The following PRKD1 variants were observed in gnomAD, a reference collection of about 807,000 sequenced individuals.
PRKD1 encodes protein kinase D1, also known as serine/threonine-protein kinase D1.
Under a neutral mutation model 95.9 loss-of-function variants are expected in PRKD1, and 63 were observed. The ratio of observed to expected loss-of-function variants is 0.66; its 90% confidence interval spans 0.54 to 0.81. PRKD1 has a LOEUF of 0.81. PRKD1 is among the 30% of genes least tolerant of loss of function. PRKD1 has a pLI of 0.00. For synonymous variants in PRKD1, 425 were observed against 423.1 expected, an observed-to-expected ratio of 1.00 and a Z score of -0.05; for missense variants, 1,048 against 1,165.3, an observed-to-expected ratio of 0.90 and a Z score of 1.47.
At chr14:29,794,600 A>C (rs1889725389) in intron 1 of PRKD1, among the ~76,000 whole-genome samples, 1 of 152,070 alleles carries the variant, frequency 6.6e-6, no homozygotes, top group Non-Finnish European at 1.5e-5. Flanking sequence ...TCTTGATGGA[A>C]TACATATTTG....
chr14:29,753,203 CAA>C (rs1454661458), intron 1 of PRKD1, among the ~76,000 whole-genome samples: 1 of 152,086 alleles, frequency 6.6e-6, no homozygotes, highest in African/African-American at 2.4e-5. Flanking sequence ...CACAATGAAA[CAA>C]ATTTTACAGA....
intron 16 of PRKD1, among the ~76,000 whole-genome samples, chr14:29,584,776 C>T (rs1042456119): frequency 2.0e-5 from 3 of 152,106 alleles, no homozygotes; most frequent in South Asian, 2.1e-4. Context: ...TATAACAGAT[C>T]GTAAGATCAG....
At chr14:29,744,147 A>G (rs893241866) in intron 1 of PRKD1, among the ~76,000 whole-genome samples, 2 of 151,512 alleles carry the variant, frequency 1.3e-5, no homozygotes, top group Non-Finnish European at 3.0e-5. Context: ...ACATGGACTC[A>G]TCTATCTAAC....
At chr14:29,617,684 T>C (rs1878959171) in intron 13 of PRKD1, among the ~76,000 whole-genome samples, 1 of 152,144 alleles carries the variant, frequency 6.6e-6, no homozygotes, top group Non-Finnish European at 1.5e-5. Flanking sequence ...AGTTAGAAAA[T>C]AAAAATTAGT....
intron 1 of PRKD1, among the ~76,000 whole-genome samples, chr14:29,798,505 G>A (rs951382325): frequency 6.6e-6 from 1 of 152,120 alleles, no homozygotes; most frequent in Non-Finnish European, 1.5e-5. Flanking sequence ...AGCAGCAATA[G>A]GCTAAAGTCT....
chr14:29,681,442 T>TCA (rs3065268), intron 2 of PRKD1, among the ~76,000 whole-genome samples: 79,075 of 151,856 alleles, frequency 0.52, 23,198 homozygotes, highest in African/African-American at 0.81. Context: ...TTCTGAGTAA[T>TCA]CAGTTTTATT....
intron 1 of PRKD1, among the ~76,000 whole-genome samples, chr14:29,758,398 G>A (rs994206489): frequency 1.3e-5 from 2 of 152,156 alleles, no homozygotes; most frequent in Non-Finnish European, 2.9e-5. Flanking sequence ...AAAACTTCCA[G>A]AGATGCCTGG....
intron 2 of PRKD1, among the ~76,000 whole-genome samples, chr14:29,719,321 T>C (rs888770613): frequency 6.6e-6 from 1 of 152,178 alleles, no homozygotes; most frequent in African/African-American, 2.4e-5. Context: ...CATTAAAGTT[T>C]GAGTATATGA....
chr14:29,605,504 T>G (rs1893673337), intron 13 of PRKD1, among the ~76,000 whole-genome samples: 1 of 152,180 alleles, frequency 6.6e-6, no homozygotes, highest in Non-Finnish European at 1.5e-5. Flanking sequence ...GGTGTGAATA[T>G]TCAGCTGTCA....
intron 1 of PRKD1, among the ~76,000 whole-genome samples, chr14:29,760,163 T>C (rs1388294888): frequency 6.6e-6 from 1 of 152,142 alleles, no homozygotes; most frequent in East Asian, 1.9e-4. Flanking sequence ...CAGCCAACTC[T>C]AAATTCCCTT....
At chr14:29,903,414 T>C (rs922661024) in intron 1 of PRKD1, among the ~76,000 whole-genome samples, 5 of 152,236 alleles carry the variant, frequency 3.3e-5, no homozygotes, top group Non-Finnish European at 7.3e-5. Context: ...CAATTATTCA[T>C]ACAGGCTCTC....
At chr14:29,579,978 G>A (rs1209611581) in intron 16 of PRKD1, among the ~76,000 whole-genome samples, 1 of 152,132 alleles carries the variant, frequency 6.6e-6, no homozygotes, top group African/African-American at 2.4e-5. Context: ...TGAGTAAAGT[G>A]CACCTTCCAT....
rs1254992620 is a variant in PRKD1 at position 29,638,641 on chromosome 14, T to C, written c.907+53A>G. ...AAAAGTGGTAACCAGAAAATACTTA[T>C]GTCAGATGAATGAGGGTGATCAAAG... is the stretch of plus-strand genomic sequence containing the variant. On this transcript the variant is annotated intron_variant, in intron 5 of 17. Coordinates refer to ENST00000331968, the MANE Select transcript of PRKD1 (RefSeq NM_002742.3). 1.4e-5 allele frequency: 22 copies of C among 1,611,988 alleles called. No individual in the cohort carries two copies. In the East Asian group the frequency reaches 2.9e-4, roughly 21 times the overall value.
At chr14:29,717,676 T>C (rs1260660731) in intron 2 of PRKD1, among the ~76,000 whole-genome samples, 1 of 152,174 alleles carries the variant, frequency 6.6e-6, no homozygotes, top group African/African-American at 2.4e-5. Context: ...CTATTGTTAT[T>C]ATTATTTCTA....
At chr14:29,917,431 C>T (rs980748865) in intron 1 of PRKD1, among the ~76,000 whole-genome samples, 39 of 151,878 alleles carry the variant, frequency 2.6e-4, no homozygotes, top group African/African-American at 9.0e-4. Flanking sequence ...ACATAAATGT[C>T]GGTGAATAAA....
Position 29,577,241 on chromosome 14 carries a change from G to C in PRKD1, c.2736C>G (p.Leu912=). 6.2e-7 allele frequency: 1 copy of C among 1,611,108 alleles called. No homozygotes were observed. Among genetic ancestry groups the C allele is most frequent in the African/African-American group, 1.3e-5 (1 of 74,932 alleles). Residue 912 remains leucine (L), a synonymous_variant, in exon 18 of 18, where the codon CTC becomes CTG. Transcript: ENST00000331968. ...GACAGATTATAGGAGATGGAACTCAGAGGATGCTGACACGCTCACCGAGGG... is the reference window on the plus strand; with the variant it reads ...GACAGATTATAGGAGATGGAACTCACAGGATGCTGACACGCTCACCGAGGG... ...MKALGERVSI[L]
At chr14:29,904,866 T>C (rs1894440892) in intron 1 of PRKD1, among the ~76,000 whole-genome samples, 1 of 152,182 alleles carries the variant, frequency 6.6e-6, no homozygotes, top group African/African-American at 2.4e-5. Flanking sequence ...AACACTCCTA[T>C]TGTAAAATCA....
At chr14:29,733,348 C>T (rs138778468) in intron 1 of PRKD1, among the ~76,000 whole-genome samples, 1,787 of 152,146 alleles carry the variant, frequency 0.012, 40 homozygotes, top group African/African-American at 0.04. Flanking sequence ...GTGATCCACC[C>T]ACCTCGGCCT....
At chr14:29,665,981 A>T in intron 3 of PRKD1, 96 bp downstream of exon 3, 2 of 1,354,844 alleles carry the variant, frequency 1.5e-6, no homozygotes, top group Non-Finnish European at 2.0e-6. Flanking sequence ...GTTGATGGGC[A>T]CTTAGCTTTT....
Sources: allele counts gnomAD v4.1 joint callset (sites outside exome capture counted in the v4.1 genomes callset), GRCh38; gene constraint gnomAD v4.1.1; transcripts MANE v1.5; gene names NCBI Gene and HGNC (gene_info 2026-07-23, HGNC 2026-07-21).